The following PLS1 variants were observed in gnomAD, a reference collection of about 807,000 sequenced individuals.
PLS1 encodes the protein plastin-1.
PLS1 carries 32 observed loss-of-function variants against 73.7 expected under a neutral mutation model. The ratio of observed to expected loss-of-function variants is 0.43; its 90% CI spans 0.33 to 0.58. The LOEUF is 0.58. Among genes scored for constraint, PLS1 ranks in the 20% least tolerant of loss-of-function variants. The pLI is 0.04. For synonymous variants in PLS1, 217 were observed against 261.3 expected (o/e 0.83, Z 1.63); for missense variants, 633 against 740.5 (o/e 0.85, Z 1.68).
chr3:142,678,167 C>A (rs1049049503), intron 6 of PLS1, 54 bp downstream of exon 6: 3 of 796,264 alleles, frequency 3.8e-6, no homozygotes, highest in South Asian at 5.0e-5. Context: ...AAATATAAGA[C>A]CTTTATTAAT....
Position 142,689,536 on chromosome 3 carries a change from G to C in PLS1, c.982-82G>C, listed in dbSNP as rs192100471. ...TATTATTTGATATATTTGTGGAAAAGTAATTGCTTATAAACATGTATACCA... is the reference window on the plus strand; with the variant it reads ...TATTATTTGATATATTTGTGGAAAACTAATTGCTTATAAACATGTATACCA... On this transcript the variant is annotated intron_variant, in intron 9 of 15. Transcript: ENST00000457734. 666 of 635,328 alleles carry C rather than the reference G, an allele frequency of 1.0e-3. 10 individuals carry two copies. In the African/African-American group the frequency reaches 0.012, roughly 11 times the overall value. The allele number at this position is 635,328 out of a possible 1,614,324, so 39.4% of individuals were successfully genotyped here.
At chr3:142,618,838 A>C (rs575058816) in intron 1 of PLS1, among the ~76,000 whole-genome samples, 1 of 152,278 alleles carries the variant, frequency 6.6e-6, no homozygotes, top group Middle Eastern at 3.4e-3. Context: ...AACCTAAGAC[A>C]ATCTGCCTCA....
intron 1 of PLS1, among the ~76,000 whole-genome samples, chr3:142,634,062 G>A (rs1490896953): frequency 6.6e-6 from 1 of 152,170 alleles, no homozygotes; most frequent in East Asian, 1.9e-4. Flanking sequence ...AGGATTAAGG[G>A]CAGATTAGAC....
intron 1 of PLS1, among the ~76,000 whole-genome samples, chr3:142,611,572 T>C (rs2036120691): frequency 6.6e-6 from 1 of 152,296 alleles, no homozygotes; most frequent in South Asian, 2.1e-4. Flanking sequence ...CAGTTAGCCA[T>C]GATTGTACCA....
At chr3:142,633,698 A>T (rs977902516) in intron 1 of PLS1, among the ~76,000 whole-genome samples, 1 of 152,186 alleles carries the variant, frequency 6.6e-6, no homozygotes, top group African/African-American at 2.4e-5. Flanking sequence ...AACATGGTTA[A>T]GATGGTAAAT....
intron 1 of PLS1, chr3:142,656,703 CAT>C (rs1428834125): frequency 6.6e-6 from 1 of 151,762 alleles, no homozygotes; most frequent in Non-Finnish European, 1.5e-5. Flanking sequence ...TTTTTTTTCA[CAT>C]AGTGATTTAT....
At chr3:142,604,935 CAA>C (rs35003218) in intron 1 of PLS1, among the ~76,000 whole-genome samples, 7 of 124,480 alleles carry the variant, frequency 5.6e-5, no homozygotes, top group African/African-American at 1.4e-4. Context: ...GACTCCGTCT[CAA>C]AAAAAAAAAA....
At chr3:142,665,664 C>G (rs2037467041) in intron 2 of PLS1, among the ~76,000 whole-genome samples, 1 of 152,078 alleles carries the variant, frequency 6.6e-6, no homozygotes. Context: ...CTACCCAGGT[C>G]TTGGTAAAAT....
intron 2 of PLS1, among the ~76,000 whole-genome samples, chr3:142,665,190 T>C (rs2037453334): frequency 6.6e-6 from 1 of 150,912 alleles, no homozygotes; most frequent in South Asian, 2.1e-4. Flanking sequence ...CTTAGATTTC[T>C]CACAAACCTA....
chr3:142,694,435 CTGAGTCATCAG>C, intron 10 of PLS1, 23 bp from the exon 11 acceptor site: 1 of 1,377,532 alleles, frequency 7.3e-7, no homozygotes, highest in Non-Finnish European at 1.0e-6. Flanking sequence ...TCCTTTTGTC[CTGAGTCATCAG>C]TGTGAGCTTG....
chr3:142,674,716 G>A (rs1455728884), intron 4 of PLS1, among the ~76,000 whole-genome samples: 7 of 151,984 alleles, frequency 4.6e-5, no homozygotes, highest in African/African-American at 9.7e-5. Context: ...CTAGATTTGT[G>A]TCAATTTTTT....
intron 12 of PLS1, among the ~76,000 whole-genome samples, chr3:142,701,942 A>G (rs749771462): frequency 3.9e-5 from 6 of 152,236 alleles, no homozygotes; most frequent in Non-Finnish European, 7.3e-5. Flanking sequence ...AATCTATTCT[A>G]TTTTTTAAAG....
chr3:142,668,464 A>G lies in PLS1; in HGVS notation c.71-926A>G, dbSNP rs62278477. 5.5e-3 allele frequency among the ~76,000 whole-genome samples: 835 copies of G among 152,294 alleles called. 10 individuals carry two copies. The highest frequency in any genetic ancestry group is 7.5e-3 in the Non-Finnish European group (507 of 68,022). The stretch of plus-strand genomic sequence containing the variant: ...CCACCAAATGAAACGTAGAACACAA[A>G]TGCCTTATGCGTATTTTACACAGCG... On this transcript the variant is annotated intron_variant, in intron 2 of 15. Coordinates refer to ENST00000457734, the MANE Select transcript of PLS1 (RefSeq NM_001145319.2).
chr3:142,687,700 A>G (rs1351534864), intron 9 of PLS1, among the ~76,000 whole-genome samples: 3 of 152,100 alleles, frequency 2.0e-5, no homozygotes, highest in East Asian at 3.9e-4. Context: ...CCTCTCCTAT[A>G]TTATTTTGAA....
At chr3:142,711,429 C>A in intron 14 of PLS1, 72 bp from the exon 15 acceptor site, 1 of 1,173,806 alleles carries the variant, frequency 8.5e-7, no homozygotes, top group South Asian at 1.6e-5. Flanking sequence ...GTTATATGAT[C>A]AGAAGAGTCT....
intron 1 of PLS1, among the ~76,000 whole-genome samples, chr3:142,614,536 A>AC (rs2036181053): frequency 6.6e-6 from 1 of 152,188 alleles, no homozygotes; most frequent in South Asian, 2.1e-4. Context: ...AAATGAAAAA[A>AC]CAGAAATCTG....
intron 1 of PLS1, among the ~76,000 whole-genome samples, chr3:142,648,104 C>T (rs1342211768): frequency 6.6e-6 from 1 of 152,162 alleles, no homozygotes; most frequent in Non-Finnish European, 1.5e-5. Context: ...GCCTCCAACA[C>T]TTGGCACAAC....
intron 2 of PLS1, among the ~76,000 whole-genome samples, chr3:142,666,049 C>T (rs903538125): frequency 1.3e-5 from 2 of 152,128 alleles, no homozygotes; most frequent in African/African-American, 2.4e-5. Flanking sequence ...ATTTGTAGCA[C>T]ACTTTTCTCA....
At chr3:142,638,929 C>A (rs545049657) in intron 1 of PLS1, among the ~76,000 whole-genome samples, 1 of 151,926 alleles carries the variant, frequency 6.6e-6, no homozygotes, top group East Asian at 1.9e-4. Flanking sequence ...TTAGTAGAGA[C>A]GGAGTTTCTC....
Sources: allele counts gnomAD v4.1 joint callset (sites outside exome capture counted in the v4.1 genomes callset), GRCh38; gene constraint gnomAD v4.1.1; transcripts MANE v1.5; gene names NCBI Gene and HGNC (gene_info 2026-07-23, HGNC 2026-07-21).